Variants in PLCL2 observed in about 807,000 individuals in gnomAD.
The protein encoded by PLCL2 is inactive phospholipase C-like protein 2.
In PLCL2, 4 loss-of-function variants were observed where a neutral mutation model predicts 79.6. The ratio of observed to expected loss-of-function variants is 0.05; its 90% CI spans 0.02 to 0.11. The LOEUF (loss-of-function observed/expected upper bound fraction) is 0.11, where lower values mean the gene tolerates loss of function less well. Among genes scored for constraint, PLCL2 ranks in the 10% least tolerant of loss-of-function variants. The probability of loss-of-function intolerance (pLI) is 1.00; values close to 1 mark genes in which losing one functional copy is unlikely to be tolerated. For missense variants in PLCL2, 895 were observed against 1,291.0 expected (o/e 0.69, Z 4.70); for synonymous variants, 484 against 457.7 (o/e 1.06, Z -0.73).
At chr3:16,966,448 A>G (rs374636000) in intron 1 of PLCL2, among the ~76,000 whole-genome samples, 7 of 152,092 alleles carry the variant, frequency 4.6e-5, no homozygotes, top group Non-Finnish European at 7.4e-5. Context: ...TTTTGCATCA[A>G]TGTTCATCAA....
chr3:16,934,640 G>C (rs1411999356), intron 1 of PLCL2, among the ~76,000 whole-genome samples: 1 of 152,174 alleles, frequency 6.6e-6, no homozygotes, highest in Non-Finnish European at 1.5e-5. Flanking sequence ...CATCCTGCCT[G>C]CCAGGTGGAG....
chr3:16,981,568 A>G (rs2063998943), intron 1 of PLCL2, among the ~76,000 whole-genome samples: 1 of 152,218 alleles, frequency 6.6e-6, no homozygotes, highest in African/African-American at 2.4e-5. Flanking sequence ...GTACATATCT[A>G]TAGGGGTATC....
chr3:17,023,892 C>T (rs977056397), intron 3 of PLCL2, among the ~76,000 whole-genome samples: 1 of 152,154 alleles, frequency 6.6e-6, no homozygotes. Flanking sequence ...AAACATGATT[C>T]ATTAACTATG....
At chr3:16,963,845 A>G (rs2063779306) in intron 1 of PLCL2, among the ~76,000 whole-genome samples, 2 of 151,790 alleles carry the variant, frequency 1.3e-5, no homozygotes, top group Admixed American at 1.3e-4. Context: ...ATTGGAACCT[A>G]AATGCTGGAA....
intron 1 of PLCL2, among the ~76,000 whole-genome samples, chr3:16,946,550 A>T (rs2063602064): frequency 6.6e-6 from 1 of 152,208 alleles, no homozygotes; most frequent in South Asian, 2.1e-4. Context: ...TTGGTCTGAG[A>T]TTATAAGGAC....
At chr3:17,042,765 C>T (rs533851313) in intron 3 of PLCL2, 109 bp from the exon 4 acceptor site, 12 of 723,260 alleles carry the variant, frequency 1.7e-5, no homozygotes, top group African/African-American at 1.4e-4. Context: ...GATAAAAAAG[C>T]GTTTAATATC....
intron 1 of PLCL2, among the ~76,000 whole-genome samples, chr3:16,893,277 T>G (rs1041570564): frequency 6.6e-6 from 1 of 152,208 alleles, no homozygotes; most frequent in Non-Finnish European, 1.5e-5. Flanking sequence ...TGATTTATAG[T>G]TCTATGCATT....
chr3:17,012,167 G>T lies in PLCL2; in HGVS notation c.2814+7G>T. On this transcript the variant is annotated splice_region_variant and intron_variant, in intron 2 of 5. Coordinates refer to ENST00000615277, the MANE Select transcript of PLCL2 (RefSeq NM_001144382.2). ...TCTGAGAGAAAACATGCAGGTGCGT[G>T]CTTGTGTTTAATCATTTACTCAATG... 1 of 1,599,676 alleles carries T rather than the reference G, an allele frequency of 6.3e-7. No homozygotes were observed. The highest frequency in any genetic ancestry group is 1.1e-5 in the South Asian group (1 of 89,702).
In PLCL2 at chr3:16,937,540, C is replaced by T. The variant is rs538467944; in HGVS notation, c.327+52174C>T. ...CAGGAAACTTCCTTCCTAAAATATC[C>T]GCCTGCCCTTCTAGGTTGTGCTGGC... On this transcript the variant is annotated intron_variant, in intron 1 of 5. Coordinates refer to ENST00000615277, the MANE Select transcript of PLCL2 (RefSeq NM_001144382.2). 4.6e-5 allele frequency among the ~76,000 whole-genome samples: 7 copies of T among 152,294 alleles called. No individual in the cohort carries two copies. The South Asian group carries it at 1.2e-3, about 27-fold the overall frequency.
intron 5 of PLCL2, chr3:17,081,452 T>G (rs2065161663): frequency 3.4e-6 from 1 of 298,202 alleles, no homozygotes; most frequent in Admixed American, 4.6e-5. Context: ...CTCTAATAGA[T>G]AGTTGGACAA....
At chr3:16,977,739 G>T (rs1249434850) in intron 1 of PLCL2, among the ~76,000 whole-genome samples, 2 of 152,106 alleles carry the variant, frequency 1.3e-5, no homozygotes, top group East Asian at 1.9e-4. Flanking sequence ...TACATGCTTA[G>T]TTTGCCCAGG....
chr3:16,954,451 A>G (rs1347007750), intron 1 of PLCL2, among the ~76,000 whole-genome samples: 1 of 152,124 alleles, frequency 6.6e-6, no homozygotes, highest in Non-Finnish European at 1.5e-5. Flanking sequence ...GTTGGTTCCA[A>G]GTCTTTGCTA....
rs1267586162 is a variant in PLCL2 at position 17,009,402 on chromosome 3, G to A, written c.328-272G>A. ...CTCCCAAAGTGCTGAGTTTATAGGT[G>A]TGAACCTCCGTCCCTGGCCTGAAAT... On this transcript the variant is annotated intron_variant, in intron 1 of 5. Coordinates refer to ENST00000615277, the MANE Select transcript of PLCL2 (RefSeq NM_001144382.2). The surrounding 1 kb of genome is among the most constrained non-coding windows in gnomAD (Gnocchi z 4.0). Among the ~76,000 whole-genome samples, 8 of 152,106 alleles carry A rather than the reference G, an allele frequency of 5.3e-5. No homozygotes were observed. The highest frequency in any genetic ancestry group is 9.7e-5 in the African/African-American group (4 of 41,418).
chr3:17,022,669 A>G (rs2064468877), intron 3 of PLCL2, among the ~76,000 whole-genome samples: 1 of 152,146 alleles, frequency 6.6e-6, no homozygotes, highest in Non-Finnish European at 1.5e-5. Flanking sequence ...TCATTACTAG[A>G]CTTTGAATAA....
chr3:16,926,931 ATTTTT>A lies in PLCL2; in HGVS notation c.327+41570_327+41574del, dbSNP rs577050228. 2.7e-4 allele frequency among the ~76,000 whole-genome samples: 41 copies of A among 150,964 alleles called. No individual in the cohort carries two copies. In the South Asian group the frequency reaches 8.4e-3, roughly 31 times the overall value. ...GATGTAAGCCACCGCGCCCGGCCAC[ATTTTT>A]TTTTAAGGCTAAGGAAGAACGGGAA... is the stretch of plus-strand genomic sequence containing the variant. On this transcript the variant is annotated intron_variant, in intron 1 of 5. Transcript: ENST00000615277.
At chr3:16,913,103 C>T (rs1696919347) in intron 1 of PLCL2, among the ~76,000 whole-genome samples, 1 of 152,126 alleles carries the variant, frequency 6.6e-6, no homozygotes, top group Non-Finnish European at 1.5e-5. Flanking sequence ...GGCTGAAGCC[C>T]TAACCTTCCT....
chr3:16,889,600 G>A (rs545733669), intron 1 of PLCL2, among the ~76,000 whole-genome samples: 1 of 152,228 alleles, frequency 6.6e-6, no homozygotes, highest in Admixed American at 6.5e-5. Context: ...ATGTGGTGTA[G>A]GAGAAACACT....
At chr3:16,970,714 C>T (rs2063853076) in intron 1 of PLCL2, among the ~76,000 whole-genome samples, 1 of 144,422 alleles carries the variant, frequency 6.9e-6, no homozygotes, top group Admixed American at 6.9e-5. Flanking sequence ...CACATCCTCT[C>T]CAGCACCTGT....
intron 1 of PLCL2, among the ~76,000 whole-genome samples, chr3:16,900,070 C>T (rs535804495): frequency 3.9e-5 from 6 of 152,252 alleles, no homozygotes; most frequent in African/African-American, 1.4e-4. Context: ...TTTCAGCACT[C>T]TGAACTTGGG....
Sources: allele counts gnomAD v4.1 joint callset (sites outside exome capture counted in the v4.1 genomes callset), GRCh38; gene constraint gnomAD v4.1.1; non-coding constraint Gnocchi (gnomAD v3.1); transcripts MANE v1.5; gene names NCBI Gene and HGNC (gene_info 2026-07-23, HGNC 2026-07-21).